The following DAB1 variants were observed in gnomAD, a reference collection of about 807,000 sequenced individuals.
DAB1 encodes the protein DAB adaptor protein 1, also known as disabled homolog 1.
Under a neutral mutation model 64.6 loss-of-function variants are expected in DAB1, and 15 were observed. That is an observed-to-expected ratio of 0.23 (90% CI 0.16 to 0.36). DAB1 has a LOEUF of 0.36. Among genes scored for constraint, DAB1 ranks in the 10% least tolerant of loss-of-function variants. The pLI is 1.00. For missense variants in DAB1, 596 were observed against 706.7 expected (o/e 0.84, Z 1.78); for synonymous variants, 235 against 251.9 (o/e 0.93, Z 0.64).
intron 1 of DAB1, among the ~76,000 whole-genome samples, chr1:57,355,079 A>G (rs1052633891): frequency 6.6e-6 from 1 of 152,102 alleles, no homozygotes; most frequent in African/African-American, 2.4e-5. Context: ...GGATGAAACA[A>G]CTACACGTTC....
intron 4 of DAB1, among the ~76,000 whole-genome samples, chr1:58,211,680 C>T (rs1464530026): frequency 2.0e-5 from 3 of 152,170 alleles, no homozygotes; most frequent in Non-Finnish European, 2.9e-5. Context: ...TCTCAAAGTG[C>T]TTTCTCCTGT....
At chr1:57,557,865 A>G (rs1451894140) in intron 7 of DAB1, among the ~76,000 whole-genome samples, 1 of 152,190 alleles carries the variant, frequency 6.6e-6, no homozygotes, top group East Asian at 1.9e-4. Context: ...AAAGAAAATG[A>G]TAAACTCAGA....
At chr1:57,823,612 T>C (rs1272545698), downstream of DAB1, among the ~76,000 whole-genome samples, 1 of 152,174 alleles carries the variant, frequency 6.6e-6, no homozygotes, top group Non-Finnish European at 1.5e-5. Flanking sequence ...TTCATTTTTG[T>C]ATCTCCAGCA....
intron 11 of DAB1, among the ~76,000 whole-genome samples, chr1:57,016,586 T>A (rs1186205679): frequency 6.6e-6 from 1 of 150,890 alleles, no homozygotes; most frequent in Non-Finnish European, 1.5e-5. Flanking sequence ...GTGAGACACT[T>A]GTCTCTAAAA....
intron 9 of DAB1, chr1:57,033,683 G>A: frequency 1.9e-6 from 2 of 1,038,040 alleles, no homozygotes; most frequent in South Asian, 1.4e-5. Context: ...CGTGGTCTCA[G>A]TAGGCGGGAG....
chr1:58,279,352 C>T (rs959872961), intron 4 of DAB1, among the ~76,000 whole-genome samples: 3 of 152,228 alleles, frequency 2.0e-5, no homozygotes, highest in African/African-American at 7.2e-5. Context: ...AACCTAACTC[C>T]TGCAGAACAC....
chr1:58,044,166 C>A (rs1487364727), intron 5 of DAB1, among the ~76,000 whole-genome samples: 1 of 152,122 alleles, frequency 6.6e-6, no homozygotes. Flanking sequence ...TTATGTATTA[C>A]TAATTTGAGG....
chr1:58,166,761 T>G lies in DAB1; in HGVS notation n.310-16173A>C, dbSNP rs567048400. ...GTTTTTGTTTGTTCGTTTTTTTTTT[T>G]TTTTAATTTGAGACAGGGTCTTGCT... On this transcript the variant is annotated intron_variant and non_coding_transcript_variant, in intron 4 of 20. Coordinates refer to the DAB1 transcript ENST00000485760. Among the ~76,000 whole-genome samples, 543 of 151,842 alleles carry G rather than the reference T, an allele frequency of 3.6e-3. 5 individuals carry two copies. Among genetic ancestry groups the G allele is most frequent in the African/African-American group, 0.012 (509 of 41,456 alleles).
chr1:57,354,973 A>T (rs1678944652), intron 1 of DAB1, among the ~76,000 whole-genome samples: 1 of 152,138 alleles, frequency 6.6e-6, no homozygotes, highest in Non-Finnish European at 1.5e-5. Flanking sequence ...CACGATTAGC[A>T]GAGTGAATTC....
chr1:57,036,587 C>T (rs1647160820), intron 9 of DAB1, among the ~76,000 whole-genome samples: 1 of 152,218 alleles, frequency 6.6e-6, no homozygotes, highest in Non-Finnish European at 1.5e-5. Context: ...CCACAATTAC[C>T]ACTTGAGTTC....
chr1:58,036,213 C>T (rs923308660), intron 5 of DAB1, among the ~76,000 whole-genome samples: 9 of 152,188 alleles, frequency 5.9e-5, no homozygotes, highest in Non-Finnish European at 1.2e-4. Flanking sequence ...TGTATTAATT[C>T]ATTTGCTCTT....
rs754246412 is a variant in DAB1, at chr1:57,853,797, C to A, written n.88-27342G>T. ...TGTCTGCAACAGGAATGGTGTTGGG[C>A]CAGATGAATGGTACCCAGACTGTGT... On this transcript the variant is annotated intron_variant and non_coding_transcript_variant, in intron 1 of 1. Transcript: ENST00000477280. 1.1e-3 allele frequency among the ~76,000 whole-genome samples: 173 copies of A among 152,068 alleles called. 3 individuals are homozygous for A. The highest frequency in any genetic ancestry group is 1.8e-4 in the Non-Finnish European group (12 of 68,020).
intron 2 of DAB1, among the ~76,000 whole-genome samples, chr1:57,150,467 C>T (rs1381160114): frequency 1.3e-5 from 2 of 152,150 alleles, no homozygotes; most frequent in African/African-American, 4.8e-5. Context: ...TCATGCTAGG[C>T]ACTGTGCTAG....
chr1:57,193,125 C>A (rs1173622639), intron 2 of DAB1, among the ~76,000 whole-genome samples: 1 of 152,092 alleles, frequency 6.6e-6, no homozygotes, highest in African/African-American at 2.4e-5. Flanking sequence ...TTATTAACTA[C>A]AGTCACCATG....
At chr1:57,451,235 C>G (rs1686345549) in intron 7 of DAB1, among the ~76,000 whole-genome samples, 1 of 152,140 alleles carries the variant, frequency 6.6e-6, no homozygotes, top group South Asian at 2.1e-4. Flanking sequence ...CTCCGGGAGT[C>G]CTTGCTGAGA....
At chr1:58,062,776 T>TCGC (rs1318073651) in intron 5 of DAB1, among the ~76,000 whole-genome samples, 1 of 152,162 alleles carries the variant, frequency 6.6e-6, no homozygotes, top group Non-Finnish European at 1.5e-5. Flanking sequence ...GAGTAGATAC[T>TCGC]ACACACCATG....
intron 5 of DAB1, among the ~76,000 whole-genome samples, chr1:58,031,412 A>T (rs1268264874): frequency 6.6e-6 from 1 of 152,202 alleles, no homozygotes; most frequent in African/African-American, 2.4e-5. Flanking sequence ...ATGTTTGGGC[A>T]GTAATAGGTA....
At chr1:57,295,877 A>G (rs574256725) in intron 1 of DAB1, among the ~76,000 whole-genome samples, 8 of 152,264 alleles carry the variant, frequency 5.3e-5, no homozygotes, top group Non-Finnish European at 1.0e-4. Context: ...TCGTAGAACT[A>G]AAAGCAGACT....
chr1:58,175,005 T>C (rs748769450), intron 4 of DAB1, among the ~76,000 whole-genome samples: 1 of 152,134 alleles, frequency 6.6e-6, no homozygotes, highest in Non-Finnish European at 1.5e-5. Flanking sequence ...AGGATGTGAG[T>C]GGGGCCAAAT....
Sources: allele counts gnomAD v4.1 joint callset (sites outside exome capture counted in the v4.1 genomes callset), GRCh38; gene constraint gnomAD v4.1.1; transcripts MANE v1.5; gene names NCBI Gene and HGNC (gene_info 2026-07-23, HGNC 2026-07-21).